UNC13C: variants seen among roughly 807,000 people sequenced by gnomAD.
The protein encoded by UNC13C is protein unc-13 homolog C.
In UNC13C, 174 loss-of-function variants were observed where a neutral mutation model predicts 245.4. That is an observed-to-expected ratio of 0.71 (90% CI 0.63 to 0.80). The LOEUF (loss-of-function observed/expected upper bound fraction) is 0.80. UNC13C is among the 30% of genes least tolerant of loss of function. The pLI, the probability that UNC13C is intolerant of heterozygous loss-of-function variation, is 0.00. For synonymous variants in UNC13C, 992 were observed against 895.1 expected, an observed-to-expected ratio of 1.11 and a Z score of -1.93; for missense variants, 2,829 against 2,602.9, an observed-to-expected ratio of 1.09 and a Z score of -1.89.
chr15:54,052,730 G>A (rs543400926), intron 2 of UNC13C, among the ~76,000 whole-genome samples: 85 of 152,240 alleles, frequency 5.6e-4, no homozygotes, highest in Non-Finnish European at 9.0e-4. Context: ...TCCTTCCTGG[G>A]TTGTAAAGGT....
chr15:54,161,293 A>G (rs1407663469), intron 4 of UNC13C, among the ~76,000 whole-genome samples: 1 of 152,120 alleles, frequency 6.6e-6, no homozygotes, highest in Non-Finnish European at 1.5e-5. Flanking sequence ...GTTGAATAAT[A>G]AACAGGGACA....
At chr15:54,488,520 T>G (rs918043281) in intron 19 of UNC13C, among the ~76,000 whole-genome samples, 8 of 152,158 alleles carry the variant, frequency 5.3e-5, no homozygotes, top group Non-Finnish European at 8.8e-5. Context: ...TAGCAGCAAA[T>G]TTTCCTTTGG....
At chr15:54,218,777 A>T (rs1029040808) in intron 4 of UNC13C, among the ~76,000 whole-genome samples, 10 of 151,964 alleles carry the variant, frequency 6.6e-5, no homozygotes, top group African/African-American at 2.4e-4. Flanking sequence ...GAAGTGGAAT[A>T]GGGCACTATT....
At chr15:54,463,545 G>A (rs753267405) in intron 19 of UNC13C, among the ~76,000 whole-genome samples, 5 of 151,582 alleles carry the variant, frequency 3.3e-5, no homozygotes, top group South Asian at 2.1e-4. Flanking sequence ...TTCCAGACGC[G>A]CCGCCTTAAG....
At chr15:54,138,953 A>ATTTTTTTTTTTGTTTT in intron 2 of UNC13C, among the ~76,000 whole-genome samples, 1 of 48,632 alleles carries the variant, frequency 2.1e-5, no homozygotes, top group Non-Finnish European at 3.5e-5. Flanking sequence ...ATTTCCCCTA[A>ATTTTTTTTTTTGTTTT]TTTTTTTTTT....
chr15:54,075,071 C>T (rs1406645001), intron 2 of UNC13C, among the ~76,000 whole-genome samples: 1 of 152,146 alleles, frequency 6.6e-6, no homozygotes, highest in Non-Finnish European at 1.5e-5. Flanking sequence ...ATGGCCTGAG[C>T]TGCAATTTCT....
chr15:54,295,466 T>G (rs1017865427), intron 11 of UNC13C, among the ~76,000 whole-genome samples: 1 of 151,926 alleles, frequency 6.6e-6, no homozygotes, highest in African/African-American at 2.4e-5. Context: ...CTGGACAACA[T>G]AGTGAGACCC....
chr15:54,113,466 A>C (rs999095430), intron 2 of UNC13C, among the ~76,000 whole-genome samples: 2 of 152,188 alleles, frequency 1.3e-5, no homozygotes, highest in Non-Finnish European at 2.9e-5. Context: ...GAAAGAATGG[A>C]GTATTAGAAG....
the UNC13C span, among the ~76,000 whole-genome samples, chr15:53,904,781 C>A: frequency 6.6e-6 from 1 of 152,082 alleles, no homozygotes; most frequent in Non-Finnish European, 1.5e-5. Context: ...TGTGTTTATA[C>A]CCTGGCTCTA....
chr15:54,471,315 G>A (rs1892451982), intron 19 of UNC13C, among the ~76,000 whole-genome samples: 1 of 151,588 alleles, frequency 6.6e-6, no homozygotes, highest in African/African-American at 2.4e-5. Flanking sequence ...TACAATGATT[G>A]TGTTGCAGTC....
intron 1 of UNC13C, among the ~76,000 whole-genome samples, chr15:54,010,391 G>A (rs541867550): frequency 1.3e-5 from 2 of 152,274 alleles, no homozygotes; most frequent in East Asian, 1.9e-4. Context: ...GCTGTATGCT[G>A]AGGAGGTAAA....
intron 13 of UNC13C, among the ~76,000 whole-genome samples, chr15:54,307,134 A>C (rs2037747060): frequency 6.6e-6 from 1 of 152,008 alleles, no homozygotes; most frequent in Non-Finnish European, 1.5e-5. Flanking sequence ...AGAATGTCTT[A>C]GTCTGTGAGG....
intron 30 of UNC13C, among the ~76,000 whole-genome samples, chr15:54,601,778 C>T (rs906642123): frequency 2.0e-5 from 3 of 152,140 alleles, no homozygotes; most frequent in Admixed American, 6.5e-5. Context: ...GAAGTAAAAT[C>T]ATCCAGGTGC....
At chr15:54,309,591 T>A (rs985129287) in intron 13 of UNC13C, among the ~76,000 whole-genome samples, 8 of 151,898 alleles carry the variant, frequency 5.3e-5, no homozygotes, top group Admixed American at 3.3e-4. Flanking sequence ...ACCAATGTCA[T>A]GCAGTTTTTC....
chr15:54,121,212 C>T (rs971343948), intron 2 of UNC13C, among the ~76,000 whole-genome samples: 4 of 151,986 alleles, frequency 2.6e-5, no homozygotes, highest in African/African-American at 9.7e-5. Flanking sequence ...CAATAAATTG[C>T]CACAGTCACC....
At chr15:54,085,175 A>G (rs1404005321) in intron 2 of UNC13C, among the ~76,000 whole-genome samples, 3 of 152,162 alleles carry the variant, frequency 2.0e-5, no homozygotes, top group Non-Finnish European at 4.4e-5. Context: ...GATATCAGAG[A>G]ACTAAGAAGC....
intron 17 of UNC13C, among the ~76,000 whole-genome samples, chr15:54,342,024 C>T (rs182187673): frequency 6.6e-6 from 1 of 151,750 alleles, no homozygotes; most frequent in Admixed American, 6.6e-5. Context: ...CCAATCCCAT[C>T]CTACTCCTTT....
At chr15:54,525,733 C>A in intron 25 of UNC13C, 96 bp downstream of exon 25, 1 of 1,010,328 alleles carries the variant, frequency 9.9e-7, no homozygotes, top group South Asian at 1.4e-5. Flanking sequence ...CTGACTAAAT[C>A]TACTTAACTT....
the UNC13C span, among the ~76,000 whole-genome samples, chr15:53,937,437 C>T: frequency 3.3e-5 from 5 of 152,096 alleles, no homozygotes; most frequent in African/African-American, 1.2e-4. Context: ...ATGGAGAGGA[C>T]AGAACCAAGT....
Sources: allele counts gnomAD v4.1 joint callset (sites outside exome capture counted in the v4.1 genomes callset), GRCh38; gene constraint gnomAD v4.1.1; transcripts MANE v1.5; gene names NCBI Gene and HGNC (gene_info 2026-07-23, HGNC 2026-07-21).